SGCD: variants seen among roughly 807,000 people sequenced by gnomAD.
SGCD encodes the protein delta-sarcoglycan.
In SGCD, 18 loss-of-function variants were observed where a neutral mutation model predicts 36.6. The ratio of observed to expected loss-of-function variants is 0.49; its 90% CI spans 0.34 to 0.73. SGCD has a LOEUF of 0.73. Among genes scored for constraint, SGCD ranks in the 30% least tolerant of loss-of-function variants. The pLI is 0.01. For missense variants in SGCD, 387 were observed against 346.7 expected (o/e 1.12, Z -0.92); for synonymous variants, 133 against 130.6 (o/e 1.02, Z -0.12).
chr5:156,542,624 A>C (rs762680461), intron 4 of SGCD, among the ~76,000 whole-genome samples: 1 of 152,192 alleles, frequency 6.6e-6, no homozygotes, highest in Admixed American at 6.5e-5. Flanking sequence ...TATTATTCCT[A>C]TATTATAGGT....
intron 1 of SGCD, among the ~76,000 whole-genome samples, chr5:155,983,133 A>C (rs988252275): frequency 1.3e-5 from 2 of 152,252 alleles, no homozygotes; most frequent in Non-Finnish European, 2.9e-5. Context: ...ATATAGATCA[A>C]TAATAGCAAT....
intron 7 of SGCD, among the ~76,000 whole-genome samples, chr5:156,697,968 A>ATCT (rs1324175677): frequency 6.6e-6 from 1 of 152,310 alleles, no homozygotes; most frequent in African/African-American, 2.4e-5. Flanking sequence ...AACTCAGATT[A>ATCT]GTCATTTTGT....
intron 7 of SGCD, among the ~76,000 whole-genome samples, chr5:156,732,611 ATGAG>A (rs1021807537): frequency 5.9e-5 from 9 of 152,086 alleles, no homozygotes; most frequent in African/African-American, 1.9e-4. Flanking sequence ...GCCTCATAGA[ATGAG>A]TTAGGGCAGA....
chr5:156,507,609 G>A (rs1756755900), intron 3 of SGCD, among the ~76,000 whole-genome samples: 1 of 152,152 alleles, frequency 6.6e-6, no homozygotes, highest in South Asian at 2.1e-4. Context: ...GCCTCTTGAT[G>A]TAACTACCAA....
At chr5:155,832,361 A>G in the SGCD span, among the ~76,000 whole-genome samples, 1 of 152,100 alleles carries the variant, frequency 6.6e-6, no homozygotes, top group Non-Finnish European at 1.5e-5. Context: ...TAACTCTAAC[A>G]TTTATGATCT....
chr5:156,209,633 G>A (rs895826024), intron 3 of SGCD, among the ~76,000 whole-genome samples: 1 of 152,208 alleles, frequency 6.6e-6, no homozygotes, highest in Non-Finnish European at 1.5e-5. Context: ...GATCACTCCT[G>A]TAAACCCAGG....
chr5:155,738,568 G>T, the SGCD span, among the ~76,000 whole-genome samples: 1 of 152,108 alleles, frequency 6.6e-6, no homozygotes, highest in African/African-American at 2.4e-5. Context: ...GATTTATTTG[G>T]CTGTGATAAA....
At chr5:156,725,780 G>A (rs1020606741) in intron 7 of SGCD, among the ~76,000 whole-genome samples, 4 of 152,158 alleles carry the variant, frequency 2.6e-5, no homozygotes, top group African/African-American at 7.2e-5. Context: ...AAAGGGCATT[G>A]GCAGGCTTGA....
At chr5:156,239,818 C>T (rs1418410159) in intron 3 of SGCD, among the ~76,000 whole-genome samples, 1 of 152,064 alleles carries the variant, frequency 6.6e-6, no homozygotes, top group Non-Finnish European at 1.5e-5. Flanking sequence ...TGAGGCTCAC[C>T]CAAGGTAACA....
At chr5:155,940,264 T>A (rs1168082903) in intron 1 of SGCD, among the ~76,000 whole-genome samples, 2 of 152,216 alleles carry the variant, frequency 1.3e-5, no homozygotes, top group African/African-American at 4.8e-5. Context: ...CCCTCAAGTA[T>A]CCTATGGCTT....
intron 7 of SGCD, chr5:156,704,060 C>G (rs537895579): frequency 6.6e-6 from 1 of 152,080 alleles, no homozygotes; most frequent in Admixed American, 6.5e-5. Context: ...ACATTTGGCT[C>G]ACATCACTGA....
chr5:155,907,261 C>A (rs1005483752), intron 1 of SGCD, among the ~76,000 whole-genome samples: 2 of 152,040 alleles, frequency 1.3e-5, no homozygotes, highest in African/African-American at 4.8e-5. Flanking sequence ...ATTGACAACG[C>A]ACTTGCTTAC....
intron 3 of SGCD, among the ~76,000 whole-genome samples, chr5:156,161,929 G>A (rs1431869081): frequency 6.6e-6 from 1 of 151,436 alleles, no homozygotes; most frequent in Non-Finnish European, 1.5e-5. Flanking sequence ...GTCTAGTTTT[G>A]ACTGTTAAAT....
chr5:155,732,681 A>G, the SGCD span, among the ~76,000 whole-genome samples: 1 of 151,960 alleles, frequency 6.6e-6, no homozygotes, highest in African/African-American at 2.4e-5. Flanking sequence ...AAGTTGCTGG[A>G]CTCCCCTAAA....
chr5:156,732,345 A>G (rs1189634245), intron 7 of SGCD, among the ~76,000 whole-genome samples: 1 of 152,186 alleles, frequency 6.6e-6, no homozygotes, highest in African/African-American at 2.4e-5. Flanking sequence ...CCTTTTCTGC[A>G]TCTATTGAGA....
At chr5:155,763,785 TA>T in the SGCD span, among the ~76,000 whole-genome samples, 1 of 152,088 alleles carries the variant, frequency 6.6e-6, no homozygotes, top group African/African-American at 2.4e-5. Context: ...TCTTTTGGTA[TA>T]AAAAGCAATG....
At chr5:156,276,882 G>T (rs1412778461) in intron 3 of SGCD, among the ~76,000 whole-genome samples, 2 of 152,090 alleles carry the variant, frequency 1.3e-5, no homozygotes, top group Non-Finnish European at 2.9e-5. Context: ...TCCCTCTAGT[G>T]ATAAACATTT....
chr5:156,187,583 C>T (rs910819894), intron 3 of SGCD, among the ~76,000 whole-genome samples: 4 of 142,584 alleles, frequency 2.8e-5, no homozygotes, highest in Admixed American at 6.9e-5. Context: ...TATGTAAACA[C>T]GAATACTGAT....
intron 3 of SGCD, among the ~76,000 whole-genome samples, chr5:156,314,092 G>A (rs531042436): frequency 1.3e-5 from 2 of 151,914 alleles, no homozygotes; most frequent in South Asian, 2.1e-4. Context: ...ACAATAAAGA[G>A]CAAAGAGTGC....
Sources: allele counts gnomAD v4.1 joint callset (sites outside exome capture counted in the v4.1 genomes callset), GRCh38; gene constraint gnomAD v4.1.1; transcripts MANE v1.5; gene names NCBI Gene and HGNC (gene_info 2026-07-23, HGNC 2026-07-21).